TTC24: variants seen among roughly 807,000 people sequenced by gnomAD.
TTC24 encodes the protein tetratricopeptide repeat domain 24.
TTC24 carries 54 observed loss-of-function variants against 63.3 expected under a neutral mutation model. The ratio of observed to expected loss-of-function variants is 0.85; its 90% CI spans 0.69 to 1.07. The LOEUF is 1.07. Ranked by LOEUF, TTC24 falls within the 50% of genes least tolerant of loss-of-function variation. The probability of loss-of-function intolerance (pLI) is 0.00; values close to 1 mark genes in which losing one functional copy is unlikely to be tolerated. For synonymous variants in TTC24, 276 were observed against 304.3 expected (o/e 0.91, Z 0.97); for missense variants, 680 against 730.5 (o/e 0.93, Z 0.80).
Position 156,582,112 on chromosome 1 carries a change from A to C in TTC24, c.706+42A>C, listed in dbSNP as rs989258477. 8.9e-6 allele frequency: 13 copies of C among 1,463,642 alleles called. 1 individual carries two copies. Among genetic ancestry groups the C allele is most frequent in the Middle Eastern group, 1.8e-4 (1 of 5,502 alleles). 90.7% of individuals were successfully genotyped at this position (1,463,642 alleles called of 1,614,324 possible). On this transcript the variant is annotated intron_variant, in intron 2 of 10. Transcript: ENST00000368236. ...GGGAAGGCATGGGATCTGGGGAGAC[A>C]CAGAGCCTGATGATACTCAGAGGGC... is the stretch of plus-strand genomic sequence containing the variant.
Position 156,586,647 on chromosome 1 carries a change from G to T in TTC24, c.*97G>T. 4.5e-6 allele frequency: 5 copies of T among 1,111,202 alleles called. No individual in the cohort carries two copies. The South Asian group carries it at 6.9e-5, about 15-fold the overall frequency. The allele number at this position is 1,111,202 out of a possible 1,614,324, so 68.8% of individuals were successfully genotyped here. ...GACCAAGCCTCTTCCCAGTTGCTCA[G>T]CCCTGCAGGGATGTGGAACACAGTG... On this transcript the variant is annotated 3_prime_UTR_variant, in exon 11 of 11. Coordinates refer to ENST00000368236, the MANE Select transcript of TTC24 (RefSeq NM_001105669.4).
At chr1:156,582,940 C>T in intron 3 of TTC24, 102 bp from the exon 4 acceptor site, 1 of 1,436,910 alleles carries the variant, frequency 7.0e-7, no homozygotes, top group Non-Finnish European at 9.4e-7. Flanking sequence ...TGGGGCTGGG[C>T]ACCAGGCCTC....
At chr1:156,580,708 C>T (rs1676967308) in intron 1 of TTC24, among the ~76,000 whole-genome samples, 1 of 152,118 alleles carries the variant, frequency 6.6e-6, no homozygotes, top group African/African-American at 2.4e-5. Context: ...TATCTCTTGA[C>T]CTCGTGATCT....
rs746226573 is a variant in TTC24 at position 156,581,873 on chromosome 1, C to T, written c.509C>T (p.Pro170Leu). 6.5e-7 allele frequency: 1 copy of T among 1,548,176 alleles called. No individual in the cohort carries two copies. The change falls in exon 2 of 11, where the codon CCT (proline) becomes CTT (leucine). Residue 170 changes from proline (P) to leucine (L), a missense_variant. Coordinates refer to ENST00000368236, the MANE Select transcript of TTC24 (RefSeq NM_001105669.4). ...GCCTGCTACCAGGCTCTGGGACAGC[C>T]TGAGCTAGCAGCCCACTGCCTGCAG... is the stretch of plus-strand genomic sequence containing the variant. ...MGACYQALGQ[P>L]ELAAHCLQEA... is the part of the protein sequence containing the mutation.
rs949280360 is a variant in TTC24, at chr1:156,586,381, G to A, written c.1668-88G>A. The A allele has an allele frequency of 2.4e-5, 28 of 1,174,262 alleles. 1 individual carries two copies. The highest frequency in any genetic ancestry group is 2.5e-6 in the Non-Finnish European group (2 of 808,744). 72.7% of individuals were successfully genotyped at this position (1,174,262 alleles called of 1,614,324 possible). On this transcript the variant is annotated intron_variant, in intron 10 of 10. Coordinates refer to ENST00000368236, the MANE Select transcript of TTC24 (RefSeq NM_001105669.4). ...CACCAGCAGAGGTAAGGGCCAAATA[G>A]GGCAGAGGGAAGCTGAGGCCAAGGC...
chr1:156,582,101 T>C (rs1031992797), intron 2 of TTC24, 31 bp downstream of exon 2: 2 of 1,464,724 alleles, frequency 1.4e-6, no homozygotes, highest in Non-Finnish European at 1.8e-6. Flanking sequence ...AGGCATGGGA[T>C]CTGGGGAGAC....
At position 156,587,133 on chromosome 1, in the gene TTC24, G is replaced by T; in HGVS notation, c.*583G>T. The stretch of plus-strand genomic sequence containing the variant: ...ACCCTATTCTAGGTGCTTAGCTCAG[G>T]CCCCACCCTATTCTAGGTGCTTAGC... On this transcript the variant is annotated 3_prime_UTR_variant, in exon 11 of 11. Transcript: ENST00000368236. 6.8e-6 allele frequency among the ~76,000 whole-genome samples: 1 copy of T among 147,880 alleles called. No individual in the cohort carries two copies. The highest frequency in any genetic ancestry group is 6.8e-5 in the Admixed American group (1 of 14,720).
Position 156,583,668 on chromosome 1 carries a change from GA to G in TTC24, c.1153-128del. ...GGCAGGACCCTGGGAAAGGCATGGG[GA>G]TGGGGTAGAAGAGAGGGGAAACAAA... is the stretch of plus-strand genomic sequence containing the variant. On this transcript the variant is annotated intron_variant, in intron 5 of 10. Transcript: ENST00000368236. The surrounding 1 kb of genome is among the most constrained non-coding windows in gnomAD (Gnocchi z 4.0). 1 of 970,798 alleles carries G rather than the reference GA, an allele frequency of 1.0e-6. No individual in the cohort carries two copies. The highest frequency in any genetic ancestry group is 1.5e-5 in the South Asian group (1 of 64,728). 60.1% of individuals were successfully genotyped at this position (970,798 alleles called of 1,614,324 possible). A position where few individuals can be genotyped will look rare whatever the true frequency, so the allele number is the denominator to read the frequency against.
chr1:156,583,930 G>C lies in TTC24; in HGVS notation c.1251+35G>C, dbSNP rs751766063. On this transcript the variant is annotated intron_variant, in intron 6 of 10. Transcript: ENST00000368236. The surrounding 1 kb of genome is among the most constrained non-coding windows in gnomAD (Gnocchi z 4.0). Reference sequence around the variant, plus strand: ...CACCTGAGACAAGGAGATGGGGGTGGAGAGAGGTTACCCAGAGAAGGGGTT... The same window carrying C: ...CACCTGAGACAAGGAGATGGGGGTGCAGAGAGGTTACCCAGAGAAGGGGTT... 33 of 1,531,622 alleles carry C rather than the reference G, an allele frequency of 2.2e-5. No homozygotes were observed. The highest frequency in any genetic ancestry group is 1.2e-4 in the East Asian group (5 of 41,208). The allele number at this position is 1,531,622 out of a possible 1,614,324, so 94.9% of individuals were successfully genotyped here.
chr1:156,583,740 C>A lies in TTC24; in HGVS notation c.1153-57C>A. The A allele has an allele frequency of 7.2e-7, 1 of 1,393,276 alleles. No individual in the cohort carries two copies. The highest frequency in any genetic ancestry group is 1.2e-5 in the South Asian group (1 of 80,710). The allele number at this position is 1,393,276 out of a possible 1,614,324, so 86.3% of individuals were successfully genotyped here. ...TCCTGTTTCCTTCTTCCCCAACCCC[C>A]AGAGGACCATAAGGTCCAGGCATTC... On this transcript the variant is annotated intron_variant, in intron 5 of 10. Coordinates refer to ENST00000368236, the MANE Select transcript of TTC24 (RefSeq NM_001105669.4). This position sits in a 1 kb window ranked among gnomAD's most constrained non-coding sequence, Gnocchi z 4.0.
intron 1 of TTC24, among the ~76,000 whole-genome samples, chr1:156,580,679 T>C (rs1488961989): frequency 1.3e-5 from 2 of 152,146 alleles, no homozygotes; most frequent in Non-Finnish European, 2.9e-5. Flanking sequence ...GGTTTTACCA[T>C]GTTGGCCAGG....
At chr1:156,585,322 C>T (rs1408204706) in intron 8 of TTC24, 91 bp downstream of exon 8, 1 of 989,520 alleles carries the variant, frequency 1.0e-6, no homozygotes, top group Non-Finnish European at 1.5e-6. Flanking sequence ...CTTCTTATGC[C>T]CATCCCACCA....
rs1012180013 is a variant in TTC24, at chr1:156,587,239, G to T, written c.*689G>T. On this transcript the variant is annotated 3_prime_UTR_variant, in exon 11 of 11. Transcript: ENST00000368236. ...TTAGCTCATGCCCCACCCTATTCTA[G>T]GTGCTTCACAAGTGTATTCTCCTCT... 6.6e-6 allele frequency among the ~76,000 whole-genome samples: 1 copy of T among 151,514 alleles called. No individual in the cohort carries two copies. Among genetic ancestry groups the T allele is most frequent in the African/African-American group, 2.4e-5 (1 of 41,130 alleles).
rs1414003236 is a variant in TTC24, at chr1:156,581,432, A to G, written c.68A>G (p.Lys23Arg). The G allele has an allele frequency of 5.8e-6, 9 of 1,548,234 alleles. No homozygotes were observed. The highest frequency in any genetic ancestry group is 7.0e-6 in the Non-Finnish European group (8 of 1,145,656). ...PEPEPSSSNK[K>R]KKKRKWLRQE... Reference sequence around the variant, plus strand: ...CCTGAGCCCTCAAGCTCCAATAAGAAAAAGAAGAAAAGAAAGTGGCTGCGG... The same window carrying G: ...CCTGAGCCCTCAAGCTCCAATAAGAGAAAGAAGAAAAGAAAGTGGCTGCGG... Residue 23 changes from lysine (K) to arginine (R), a missense_variant, in exon 2 of 11, where the codon AAA becomes AGA. Lys to Arg is a conservative substitution (Grantham distance 26, BLOSUM62 2). Coordinates refer to ENST00000368236, the MANE Select transcript of TTC24 (RefSeq NM_001105669.4).
chr1:156,584,400 C>A (rs1450778887), intron 6 of TTC24: 1 of 159,116 alleles, frequency 6.3e-6, no homozygotes, highest in East Asian at 1.9e-4. Flanking sequence ...CAGACAACCC[C>A]AGAAAACCTC....
At chr1:156,584,034 C>A in intron 6 of TTC24, 139 bp downstream of exon 6, 138 of 621,258 alleles carry the variant, frequency 2.2e-4, no homozygotes, top group East Asian at 2.6e-4. Context: ...TGAGCCTGCG[C>A]ATGAGATATA....
rs183853877 is a variant in TTC24, at chr1:156,582,297, C to A, written c.773C>A (p.Ala258Asp). Reference sequence around the variant, plus strand: ...CAGCTGTTCCCGCTGGCCGTGGAGGCCTTCCTGCAGGCCCTGCCCCTGTGC... The same window carrying A: ...CAGCTGTTCCCGCTGGCCGTGGAGGACTTCCTGCAGGCCCTGCCCCTGTGC... ...QLQLFPLAVE[A>D]FLQALPLCWV... The change falls in exon 3 of 11, where the codon GCC becomes GAC. Residue 258 changes from alanine (A) to aspartate (D), a missense_variant. Coordinates refer to ENST00000368236, the MANE Select transcript of TTC24 (RefSeq NM_001105669.4). 1.3e-5 allele frequency: 20 copies of A among 1,576,852 alleles called. No individual in the cohort carries two copies. In the East Asian group the frequency reaches 2.4e-4, roughly 19 times the overall value.
chr1:156,583,762 A>G lies in TTC24; in HGVS notation c.1153-35A>G, dbSNP rs368458794. 2 of 1,485,320 alleles carry G rather than the reference A, an allele frequency of 1.3e-6. No homozygotes were observed. Among genetic ancestry groups the G allele is most frequent in the Non-Finnish European group, 1.8e-6 (2 of 1,098,036 alleles). 92.0% of individuals were successfully genotyped at this position (1,485,320 alleles called of 1,614,324 possible). A position where few individuals can be genotyped will look rare whatever the true frequency, so the allele number is the denominator to read the frequency against. On this transcript the variant is annotated intron_variant, in intron 5 of 10. Transcript: ENST00000368236. The surrounding 1 kb of genome is among the most constrained non-coding windows in gnomAD (Gnocchi z 4.0). Reference sequence around the variant, plus strand: ...CCCCAGAGGACCATAAGGTCCAGGCATTCCCCATTACCCTATTATCCACCC... The same window carrying G: ...CCCCAGAGGACCATAAGGTCCAGGCGTTCCCCATTACCCTATTATCCACCC...
chr1:156,580,560 C>T (rs1676962845), intron 1 of TTC24, among the ~76,000 whole-genome samples: 1 of 152,164 alleles, frequency 6.6e-6, no homozygotes, highest in Admixed American at 6.5e-5. Flanking sequence ...TCACTGCAAC[C>T]TCCACCTCCC....
Sources: gnomAD v4.1 joint callset for allele counts (sites outside exome capture counted in the v4.1 genomes callset) on GRCh38, gnomAD v4.1.1 for gene constraint, Gnocchi (gnomAD v3.1) non-coding constraint, MANE v1.5 for transcripts, NCBI Gene and HGNC (gene_info 2026-07-23, HGNC 2026-07-21) for gene names.